The following MRPL35 variants were observed in gnomAD, a reference collection of about 807,000 sequenced individuals.
MRPL35 encodes large ribosomal subunit protein bL35m.
In MRPL35, 18 loss-of-function variants were observed where a neutral mutation model predicts 21.6. That is an observed-to-expected ratio of 0.83 (90% CI 0.58 to 1.24). The LOEUF is 1.24. Among genes scored for constraint, MRPL35 ranks in the 50% most tolerant of loss-of-function variants. The pLI, the probability that MRPL35 is intolerant of heterozygous loss-of-function variation, is 0.00. For synonymous variants in MRPL35, 87 were observed against 86.9 expected (o/e 1.00, Z -0.01); for missense variants, 223 against 223.2 (o/e 1.00, Z 0.01).
chr2:86,211,874 C>A lies in MRPL35; in HGVS notation c.*1206C>A. 1 of 985,498 alleles carries A rather than the reference C, an allele frequency of 1.0e-6. No homozygotes were observed. The highest frequency in any genetic ancestry group is 4.7e-5 in the South Asian group (1 of 21,304). The allele number at this position is 985,498 out of a possible 1,614,324, so 61.0% of individuals were successfully genotyped here. A position where few individuals can be genotyped will look rare whatever the true frequency, so the allele number is the denominator to read the frequency against. ...CATTTGTAAGGATAAACTTTTCCCA[C>A]AAATTTTCAACAATCATTGTAGAAA... On this transcript the variant is annotated 3_prime_UTR_variant, in exon 4 of 4. Transcript: ENST00000337109.
chr2:86,205,421 T>G (rs983021497), intron 1 of MRPL35, among the ~76,000 whole-genome samples: 2 of 152,024 alleles, frequency 1.3e-5, no homozygotes, highest in African/African-American at 4.8e-5. Context: ...TTTTGCTCTC[T>G]CTGCGATTGC....
chr2:86,204,679 C>T (rs891085761), intron 1 of MRPL35, among the ~76,000 whole-genome samples: 21 of 152,166 alleles, frequency 1.4e-4, no homozygotes, highest in African/African-American at 3.9e-4. Context: ...TGAAATCTGC[C>T]TTCTGACCTG....
chr2:86,211,488 A>G lies in MRPL35; in HGVS notation c.*820A>G. The G allele has an allele frequency of 1.0e-6, 1 of 985,456 alleles. No individual in the cohort carries two copies. The highest frequency in any genetic ancestry group is 1.2e-6 in the Non-Finnish European group (1 of 829,936). The allele number at this position is 985,456 out of a possible 1,614,324, so 61.0% of individuals were successfully genotyped here. On this transcript the variant is annotated 3_prime_UTR_variant, in exon 4 of 4. Coordinates refer to ENST00000337109, the MANE Select transcript of MRPL35 (RefSeq NM_016622.4). ...TGAGCAGTTTCACTTGGAGGTTCAC[A>G]TGGGGTGGCAGCACACTTAACATCT...
In MRPL35 at chr2:86,211,830, A is replaced by C; in HGVS notation, c.*1162A>C. ...GTATTTCTTAAAAGTTAGTTTATCC[A>C]CTTCAGATTTCATGTTTTCATTTGT... On this transcript the variant is annotated 3_prime_UTR_variant, in exon 4 of 4. Coordinates refer to ENST00000337109, the MANE Select transcript of MRPL35 (RefSeq NM_016622.4). 1.0e-6 allele frequency: 1 copy of C among 985,482 alleles called. No individual in the cohort carries two copies. The highest frequency in any genetic ancestry group is 1.2e-6 in the Non-Finnish European group (1 of 829,974). 61.0% of individuals were successfully genotyped at this position (985,482 alleles called of 1,614,324 possible). A position where few individuals can be genotyped will look rare whatever the true frequency, so the allele number is the denominator to read the frequency against.
rs546726202 is a variant in MRPL35, at chr2:86,202,159, C to T, written c.43+2626C>T. Among the ~76,000 whole-genome samples the T allele has an allele frequency of 4.5e-4, 69 of 152,310 alleles. No individual in the cohort carries two copies. The South Asian group carries it at 0.013, about 30-fold the overall frequency. On this transcript the variant is annotated intron_variant, in intron 1 of 3. Transcript: ENST00000337109. ...ATCACATGATTGATCCACCAGAAGGCGCAGTAGATAGAGCCTCCCCACATA... is the reference window on the plus strand; with the variant it reads ...ATCACATGATTGATCCACCAGAAGGTGCAGTAGATAGAGCCTCCCCACATA...
At position 86,211,334 on chromosome 2, in the gene MRPL35, T is replaced by C. The variant is rs1468825851; in HGVS notation, c.*666T>C. The stretch of plus-strand genomic sequence containing the variant: ...GCTAGTCTCCAATTGCCAAGGGAAT[T>C]TAACTGGGCCAGACTACCTTTTTAT... On this transcript the variant is annotated 3_prime_UTR_variant, in exon 4 of 4. Transcript: ENST00000337109. 5.3e-6 allele frequency: 5 copies of C among 945,806 alleles called. No homozygotes were observed. The highest frequency in any genetic ancestry group is 6.3e-6 in the Non-Finnish European group (5 of 794,122). The allele number at this position is 945,806 out of a possible 1,614,324, so 58.6% of individuals were successfully genotyped here. A position where few individuals can be genotyped will look rare whatever the true frequency, so the allele number is the denominator to read the frequency against.
chr2:86,210,726 T>G lies in MRPL35; in HGVS notation c.*58T>G. ...ATATGTATCTTTGTGTACATATCTTTGCAAAAATGGATAAGTACAAAACTT... is the reference window on the plus strand; with the variant it reads ...ATATGTATCTTTGTGTACATATCTTGGCAAAAATGGATAAGTACAAAACTT... On this transcript the variant is annotated 3_prime_UTR_variant, in exon 4 of 4. Coordinates refer to ENST00000337109, the MANE Select transcript of MRPL35 (RefSeq NM_016622.4). The G allele has an allele frequency of 6.7e-7, 1 of 1,503,418 alleles. No individual in the cohort carries two copies. The highest frequency in any genetic ancestry group is 8.9e-7 in the Non-Finnish European group (1 of 1,122,562). The allele number at this position is 1,503,418 out of a possible 1,614,324, so 93.1% of individuals were successfully genotyped here.
At chr2:86,208,287 C>T (rs1673840962) in intron 3 of MRPL35, among the ~76,000 whole-genome samples, 1 of 151,712 alleles carries the variant, frequency 6.6e-6, no homozygotes, top group South Asian at 2.1e-4. Flanking sequence ...ACATTTCTTC[C>T]CTTTTGTGTG....
intron 2 of MRPL35, 97 bp downstream of exon 2, chr2:86,206,392 G>A: frequency 8.4e-7 from 1 of 1,184,888 alleles, no homozygotes; most frequent in Non-Finnish European, 1.2e-6. Context: ...GAGTGCAGTG[G>A]TGCATTCTCA....
At chr2:86,202,905 G>A (rs1046513025) in intron 1 of MRPL35, among the ~76,000 whole-genome samples, 1 of 151,804 alleles carries the variant, frequency 6.6e-6, no homozygotes, top group Non-Finnish European at 1.5e-5. Flanking sequence ...GGCCAAGCTG[G>A]TCGCAAACTC....
intron 1 of MRPL35, among the ~76,000 whole-genome samples, chr2:86,204,816 TG>T (rs1673760243): frequency 6.6e-6 from 1 of 152,222 alleles, no homozygotes; most frequent in Non-Finnish European, 1.5e-5. Context: ...ATACAGCAGG[TG>T]GGGTGTCAAC....
In MRPL35 at chr2:86,213,636, C is replaced by G. The variant is rs987365342; in HGVS notation, c.*2968C>G. The G allele has an allele frequency of 1.9e-6, 3 of 1,550,332 alleles. No homozygotes were observed. Among genetic ancestry groups the G allele is most frequent in the Non-Finnish European group, 8.7e-7 (1 of 1,146,920 alleles). ...TGTTGTCACCTGCACAGGCACTCCC[C>G]CATTTGCAGATGAAGAAATGTTCAG... On this transcript the variant is annotated 3_prime_UTR_variant, in exon 4 of 4. Transcript: ENST00000337109.
rs1673895826 is a variant in MRPL35 at position 86,211,168 on chromosome 2, T to A, written c.*500T>A. 2.0e-6 allele frequency: 2 copies of A among 985,208 alleles called. No individual in the cohort carries two copies. Among genetic ancestry groups the A allele is most frequent in the South Asian group, 9.4e-5 (2 of 21,300 alleles). 61.0% of individuals were successfully genotyped at this position (985,208 alleles called of 1,614,324 possible). Reference sequence around the variant, plus strand: ...GCTCTGCATGCATGTGACTTGCTTCTTTTTGCATTGTTAACTCCATTCTCT... The same window carrying A: ...GCTCTGCATGCATGTGACTTGCTTCATTTTGCATTGTTAACTCCATTCTCT... On this transcript the variant is annotated 3_prime_UTR_variant, in exon 4 of 4. Transcript: ENST00000337109.
Position 86,213,053 on chromosome 2 carries a change from C to A in MRPL35, c.*2385C>A. The A allele has an allele frequency of 1.1e-6, 1 of 928,042 alleles. No homozygotes were observed. The highest frequency in any genetic ancestry group is 1.3e-6 in the Non-Finnish European group (1 of 777,706). The allele number at this position is 928,042 out of a possible 1,614,324, so 57.5% of individuals were successfully genotyped here. A position where few individuals can be genotyped will look rare whatever the true frequency, so the allele number is the denominator to read the frequency against. On this transcript the variant is annotated 3_prime_UTR_variant, in exon 4 of 4. Coordinates refer to ENST00000337109, the MANE Select transcript of MRPL35 (RefSeq NM_016622.4). ...TAATTTAGATTTGAGGAAACTGAAG[C>A]TGAGAGAGGGTTAAGTAAATTACCC...
At chr2:86,200,338 A>G (rs1341253729) in intron 1 of MRPL35, among the ~76,000 whole-genome samples, 1 of 152,180 alleles carries the variant, frequency 6.6e-6, no homozygotes, top group Admixed American at 6.5e-5. Context: ...AAAATTTTAT[A>G]TAGTATGCAT....
At chr2:86,200,943 GGT>G (rs1673672193) in intron 1 of MRPL35, among the ~76,000 whole-genome samples, 1 of 152,158 alleles carries the variant, frequency 6.6e-6, no homozygotes, top group African/African-American at 2.4e-5. Context: ...TGGGATTACG[GGT>G]GTGAGCCACC....
At chr2:86,205,934 GTAAT>G (rs1673779948) in intron 1 of MRPL35, among the ~76,000 whole-genome samples, 168 bp from the exon 2 acceptor site, 1 of 152,302 alleles carries the variant, frequency 6.6e-6, no homozygotes, top group East Asian at 1.9e-4. Context: ...CATAAAATCA[GTAAT>G]TAATTTATGG....
At chr2:86,200,408 T>C (rs1673662330) in intron 1 of MRPL35, among the ~76,000 whole-genome samples, 1 of 152,204 alleles carries the variant, frequency 6.6e-6, no homozygotes, top group African/African-American at 2.4e-5. Flanking sequence ...AACAGTGCAC[T>C]ACCAGAAGCC....
intron 1 of MRPL35, among the ~76,000 whole-genome samples, chr2:86,205,245 A>T (rs1051518119): frequency 8.5e-5 from 13 of 152,194 alleles, no homozygotes; most frequent in African/African-American, 3.1e-4. Flanking sequence ...TTTTAAAAAC[A>T]TATATCCTGC....
Sources: gnomAD v4.1 joint callset for allele counts (sites outside exome capture counted in the v4.1 genomes callset) on GRCh38, gnomAD v4.1.1 for gene constraint, MANE v1.5 for transcripts, NCBI Gene and HGNC (gene_info 2026-07-23, HGNC 2026-07-21) for gene names.